The following SPRED1 variants were observed in gnomAD, a reference collection of about 807,000 sequenced individuals.
SPRED1 encodes sprouty related EVH1 domain containing 1.
In SPRED1, 18 loss-of-function variants were observed where a neutral mutation model predicts 52.3. The observed-to-expected ratio is 0.34, with a 90% CI of 0.24 to 0.51. The LOEUF is 0.51. Among genes scored for constraint, SPRED1 ranks in the 20% least tolerant of loss-of-function variants. The pLI is 0.97. For synonymous variants in SPRED1, 155 were observed against 179.7 expected (o/e 0.86, Z 1.10); for missense variants, 485 against 551.0 (o/e 0.88, Z 1.20).
rs1223077093 is a variant in SPRED1, at chr15:38,339,596, T to C, written c.424-141T>C. Reference sequence around the variant, plus strand: ...GCTTTATAATCATGTACATTTGAGTTTTGGGAATTGCTATTCATAGCGATG... The same window carrying C: ...GCTTTATAATCATGTACATTTGAGTCTTGGGAATTGCTATTCATAGCGATG... On this transcript the variant is annotated intron_variant, in intron 4 of 6. Coordinates refer to ENST00000299084, the MANE Select transcript of SPRED1 (RefSeq NM_152594.3). 5.0e-6 allele frequency: 4 copies of C among 804,594 alleles called. No individual in the cohort carries two copies. The African/African-American group carries it at 6.8e-5, about 14-fold the overall frequency. The allele number at this position is 804,594 out of a possible 1,614,324, so 49.8% of individuals were successfully genotyped here. A position where few individuals can be genotyped will look rare whatever the true frequency, so the allele number is the denominator to read the frequency against.
At position 38,353,630 on chromosome 15, in the gene SPRED1, T is replaced by G. The variant is rs1176784102; in HGVS notation, c.*1966T>G. The G allele has an allele frequency of 1.3e-5, 2 of 152,594 alleles. No individual in the cohort carries two copies. Among genetic ancestry groups the G allele is most frequent in the Non-Finnish European group, 2.9e-5 (2 of 67,958 alleles). The allele number at this position is 152,594 out of a possible 1,614,324, so 9.5% of individuals were successfully genotyped here. On this transcript the variant is annotated 3_prime_UTR_variant, in exon 7 of 7. Coordinates refer to ENST00000299084, the MANE Select transcript of SPRED1 (RefSeq NM_152594.3). ...CTGAAGTTTTCAGCTAAACTTGGTT[T>G]CCTAGAATAGACTGTTAACTTTCAA...
At chr15:38,270,794 A>ACAAGT (rs1411031103) in intron 1 of SPRED1, among the ~76,000 whole-genome samples, 1 of 152,032 alleles carries the variant, frequency 6.6e-6, no homozygotes, top group African/African-American at 2.4e-5. Flanking sequence ...TTGAATTTTA[A>ACAAGT]ATTAAAAAAA....
In SPRED1 at chr15:38,356,868, C is replaced by G. The variant is rs1047925190; in HGVS notation, c.*5204C>G. ...TAAAAAATTATAGTGTATCTCAACA[C>G]TAGAATAAGTTGGATTACTATATTA... On this transcript the variant is annotated 3_prime_UTR_variant, in exon 7 of 7. Transcript: ENST00000299084. 2.0e-5 allele frequency: 3 copies of G among 152,022 alleles called. No homozygotes were observed. The highest frequency in any genetic ancestry group is 7.2e-5 in the African/African-American group (3 of 41,392). The allele number at this position is 152,022 out of a possible 1,614,324, so 9.4% of individuals were successfully genotyped here.
chr15:38,329,161 C>T (rs1895764083), intron 4 of SPRED1, among the ~76,000 whole-genome samples: 1 of 152,114 alleles, frequency 6.6e-6, no homozygotes, highest in African/African-American at 2.4e-5. Context: ...AAACTTACCT[C>T]ACAACAGGCT....
chr15:38,254,262 C>G (rs1005320322), intron 1 of SPRED1, among the ~76,000 whole-genome samples: 1 of 152,144 alleles, frequency 6.6e-6, no homozygotes, highest in Non-Finnish European at 1.5e-5. Flanking sequence ...TTACTAAAGT[C>G]AGACCTTTTT....
intron 1 of SPRED1, among the ~76,000 whole-genome samples, chr15:38,281,507 C>G (rs1364312374): frequency 6.6e-6 from 1 of 151,714 alleles, no homozygotes; most frequent in African/African-American, 2.4e-5. Context: ...ATTCTCCCCA[C>G]TCAGACTTTC....
chr15:38,353,536 G>A lies in SPRED1; in HGVS notation c.*1872G>A, dbSNP rs1025511836. ...CTAAATCCAAAACATGACACTGTAG[G>A]CAGCAGTTTTAAGTCTTATTTTTAC... On this transcript the variant is annotated 3_prime_UTR_variant, in exon 7 of 7. Coordinates refer to ENST00000299084, the MANE Select transcript of SPRED1 (RefSeq NM_152594.3). 6 of 152,444 alleles carry A rather than the reference G, an allele frequency of 3.9e-5. No individual in the cohort carries two copies. Among genetic ancestry groups the A allele is most frequent in the Non-Finnish European group, 8.8e-5 (6 of 67,912 alleles). 9.4% of individuals were successfully genotyped at this position (152,444 alleles called of 1,614,324 possible).
chr15:38,299,698 AT>A, intron 2 of SPRED1, 151 bp downstream of exon 2: 139 of 799,506 alleles, frequency 1.7e-4, no homozygotes, highest in Middle Eastern at 7.3e-4. Context: ...GAAATACAAC[AT>A]TTTTTTTTCA....
chr15:38,306,737 G>A (rs185557287), intron 2 of SPRED1, among the ~76,000 whole-genome samples: 3 of 152,258 alleles, frequency 2.0e-5, no homozygotes, highest in African/African-American at 7.2e-5. Flanking sequence ...TTTAGAAAAT[G>A]TCCCAAATTA....
At chr15:38,325,519 G>A (rs765055285) in intron 4 of SPRED1, among the ~76,000 whole-genome samples, 2 of 151,908 alleles carry the variant, frequency 1.3e-5, no homozygotes, top group African/African-American at 4.8e-5. Flanking sequence ...GGGCAGGCAC[G>A]CTGAAAATTG....
chr15:38,325,228 A>G (rs1323444065), intron 4 of SPRED1, among the ~76,000 whole-genome samples: 1 of 152,224 alleles, frequency 6.6e-6, no homozygotes, highest in Non-Finnish European at 1.5e-5. Context: ...AAATGCAGTC[A>G]GAATTTTGTT....
At chr15:38,334,480 A>G (rs183628762) in intron 4 of SPRED1, among the ~76,000 whole-genome samples, 198 of 152,120 alleles carry the variant, frequency 1.3e-3, no homozygotes, top group Non-Finnish European at 2.3e-3. Flanking sequence ...TGGAGAGAGA[A>G]CCCATGAATC....
intron 1 of SPRED1, among the ~76,000 whole-genome samples, chr15:38,262,490 A>C (rs555878199): frequency 1.0e-3 from 155 of 152,346 alleles, no homozygotes; most frequent in African/African-American, 3.6e-3. Flanking sequence ...GGGTATTCCA[A>C]CCAGGAAGAG....
intron 4 of SPRED1, among the ~76,000 whole-genome samples, chr15:38,333,561 G>T (rs941569935): frequency 3.9e-5 from 6 of 152,132 alleles, no homozygotes; most frequent in Non-Finnish European, 7.4e-5. Context: ...TAATAAGATG[G>T]ATCCATTATA....
intron 4 of SPRED1, among the ~76,000 whole-genome samples, chr15:38,334,117 A>G (rs1895860599): frequency 6.6e-6 from 1 of 152,110 alleles, no homozygotes; most frequent in Admixed American, 6.6e-5. Flanking sequence ...GATTATTGCT[A>G]CACATGTCAA....
chr15:38,318,597 C>A (rs1345570413), intron 2 of SPRED1, among the ~76,000 whole-genome samples: 2 of 152,128 alleles, frequency 1.3e-5, no homozygotes, highest in East Asian at 3.9e-4. Flanking sequence ...TCTCTTTCCC[C>A]TGTAGTAGTT....
intron 3 of SPRED1, among the ~76,000 whole-genome samples, chr15:38,323,550 A>G (rs1478106708): frequency 3.9e-5 from 6 of 152,122 alleles, no homozygotes; most frequent in South Asian, 2.1e-4. Flanking sequence ...AAACTCCAAG[A>G]AAGTTCAAAT....
At chr15:38,336,732 T>G (rs937559353) in intron 4 of SPRED1, among the ~76,000 whole-genome samples, 2 of 151,768 alleles carry the variant, frequency 1.3e-5, no homozygotes, top group African/African-American at 4.8e-5. Context: ...AAGTGGGAGC[T>G]AAGCTATGAG....
rs1287542476 is a variant in SPRED1, at chr15:38,266,001, T to G, written c.32+12784T>G. ...TTGATTTAGTCTGTTAACTGTAATTTGGACAGCTGATGGTCTGTATGCTCA... is the reference window on the plus strand; with the variant it reads ...TTGATTTAGTCTGTTAACTGTAATTGGGACAGCTGATGGTCTGTATGCTCA... On this transcript the variant is annotated intron_variant, in intron 1 of 6. Coordinates refer to ENST00000299084, the MANE Select transcript of SPRED1 (RefSeq NM_152594.3). Among the ~76,000 whole-genome samples the G allele has an allele frequency of 2.0e-5, 3 of 152,240 alleles. No homozygotes were observed. The East Asian group carries it at 5.8e-4, about 29-fold the overall frequency.
Sources: allele counts gnomAD v4.1 joint callset (sites outside exome capture counted in the v4.1 genomes callset), GRCh38; gene constraint gnomAD v4.1.1; transcripts MANE v1.5; gene names NCBI Gene and HGNC (gene_info 2026-07-23, HGNC 2026-07-21).